Variants in SLC15A4 observed in about 807,000 individuals in gnomAD.
SLC15A4 encodes hPHT1.
SLC15A4 carries 26 observed loss-of-function variants against 46.1 expected under a neutral mutation model. The observed-to-expected ratio is 0.56, with a 90% CI of 0.41 to 0.78. The LOEUF is 0.78. Among genes scored for constraint, SLC15A4 ranks in the 30% least tolerant of loss-of-function variants. SLC15A4 has a pLI of 0.00. For missense variants in SLC15A4, 751 were observed against 755.7 expected (o/e 0.99, Z 0.07); for synonymous variants, 370 against 333.4 (o/e 1.11, Z -1.20).
intron 7 of SLC15A4, among the ~76,000 whole-genome samples, chr12:128,796,089 T>C (rs547304877): frequency 1.3e-5 from 2 of 152,360 alleles, no homozygotes; most frequent in South Asian, 4.1e-4. Flanking sequence ...TCTGAACATA[T>C]ACTGCATGTT....
At chr12:128,809,688 G>A (rs919758314) in intron 3 of SLC15A4, 2 of 545,958 alleles carry the variant, frequency 3.7e-6, no homozygotes, top group Non-Finnish European at 3.2e-6. Flanking sequence ...GTTATCCAAA[G>A]GAGAAATTAC....
intron 2 of SLC15A4, among the ~76,000 whole-genome samples, chr12:128,812,320 T>A (rs4760594): frequency 0.6 from 90,334 of 151,442 alleles, 27,178 homozygotes; most frequent in Non-Finnish European, 0.65. Flanking sequence ...TTTTTTTTTT[T>A]ATTTTATTTT....
At chr12:128,822,597 T>C (rs1468404782) in intron 1 of SLC15A4, among the ~76,000 whole-genome samples, 1 of 152,202 alleles carries the variant, frequency 6.6e-6, no homozygotes, top group Non-Finnish European at 1.5e-5. Flanking sequence ...TCGCTCAGGC[T>C]GGAGGAGTGG....
intron 4 of SLC15A4, 70 bp from the exon 5 acceptor site, chr12:128,809,026 G>A (rs962441380): frequency 2.3e-5 from 32 of 1,414,858 alleles, no homozygotes; most frequent in Middle Eastern, 1.9e-4. Flanking sequence ...GAGAACCAAC[G>A]TCTCAATGGG....
rs1215112698 is a variant in SLC15A4 at position 128,794,243 on chromosome 12, G to C, written c.1687C>G (p.His563Asp). 5 of 1,613,852 alleles carry C rather than the reference G, an allele frequency of 3.1e-6. No homozygotes were observed. The South Asian group carries it at 4.4e-5, about 14-fold the overall frequency. The part of the protein sequence containing the change: ...ISVKYDHHRD[H>D]QRSRANGVPT... ...ACGCCATTGGCTCTTGATCGCTGATGGTCTCGATGATGGTCATATTTCACA... is the reference window on the plus strand; with the variant it reads ...ACGCCATTGGCTCTTGATCGCTGATCGTCTCGATGATGGTCATATTTCACA... Residue 563 changes from histidine (H) to aspartate (D), a missense_variant, in exon 8 of 8, where the codon CAT becomes GAT. Transcript: ENST00000266771.
chr12:128,803,887 A>T (rs1342855544), intron 5 of SLC15A4, among the ~76,000 whole-genome samples: 2 of 152,214 alleles, frequency 1.3e-5, no homozygotes, highest in Non-Finnish European at 2.9e-5. Flanking sequence ...CCCTTCTGAC[A>T]GACTTATGTT....
chr12:128,811,317 G>A (rs1222781017), intron 2 of SLC15A4, among the ~76,000 whole-genome samples: 2 of 152,210 alleles, frequency 1.3e-5, no homozygotes, highest in Non-Finnish European at 2.9e-5. Flanking sequence ...TTTTACTATG[G>A]TGCCAGTATT....
chr12:128,801,817 G>A (rs569727397), intron 5 of SLC15A4: 50 of 152,266 alleles, frequency 3.3e-4, no homozygotes, highest in Middle Eastern at 3.4e-3. Flanking sequence ...TATTTAAAGC[G>A]TATGTAAAAT....
rs767011396 is a variant in SLC15A4 at position 128,823,474 on chromosome 12, G to C, written c.470C>G (p.Thr157Ser). ...DAAARCCSPA[T>S]FAGLVLVGLG... ...GCCCACCAGCACCAGCCCCGCGAAG[G>C]TGGCCGGTGAGCAGCAGCGGGCGGC... Residue 157 changes from threonine (T) to serine (S), a missense_variant, in exon 1 of 8, where the codon ACC becomes AGC. Thr to Ser is a moderately conservative substitution (Grantham distance 58). Transcript: ENST00000266771. The C allele has an allele frequency of 1.6e-4, 234 of 1,483,820 alleles. 2 individuals are homozygous for C. The South Asian group carries it at 2.7e-3, about 17-fold the overall frequency. The allele number at this position is 1,483,820 out of a possible 1,614,324, so 91.9% of individuals were successfully genotyped here.
chr12:128,809,673 G>A, intron 3 of SLC15A4, 200 bp from the exon 4 acceptor site: 1 of 546,276 alleles, frequency 1.8e-6, no homozygotes, highest in Non-Finnish European at 3.2e-6. Context: ...GAAAAAGAAT[G>A]GCCAGTTATC....
chr12:128,805,162 A>G (rs1955569439), intron 5 of SLC15A4, among the ~76,000 whole-genome samples: 1 of 152,228 alleles, frequency 6.6e-6, no homozygotes, highest in Admixed American at 6.5e-5. Flanking sequence ...CCCCAAAAAA[A>G]TCCAACATTC....
At chr12:128,796,161 A>G (rs1955439661) in intron 7 of SLC15A4, among the ~76,000 whole-genome samples, 1 of 152,186 alleles carries the variant, frequency 6.6e-6, no homozygotes, top group Non-Finnish European at 1.5e-5. Context: ...GCAGTGGCTT[A>G]TGACTGTAAT....
At chr12:128,806,449 A>G (rs1456430472) in intron 5 of SLC15A4, among the ~76,000 whole-genome samples, 1 of 152,162 alleles carries the variant, frequency 6.6e-6, no homozygotes, top group African/African-American at 2.4e-5. Flanking sequence ...GGTAAGCTAT[A>G]AGCAAAATCA....
intron 5 of SLC15A4, among the ~76,000 whole-genome samples, chr12:128,803,747 A>G (rs1002792122): frequency 1.3e-5 from 2 of 152,202 alleles, no homozygotes; most frequent in African/African-American, 2.4e-5. Flanking sequence ...AAGTTTACAA[A>G]CTACAGACAC....
rs991921169 is a variant in SLC15A4, at chr12:128,801,892, A to T, written c.1259-883T>A. 2.6e-5 allele frequency among the ~76,000 whole-genome samples: 4 copies of T among 152,226 alleles called. No homozygotes were observed. The South Asian group carries it at 8.3e-4, about 32-fold the overall frequency. On this transcript the variant is annotated intron_variant, in intron 5 of 7. Coordinates refer to ENST00000266771, the MANE Select transcript of SLC15A4 (RefSeq NM_145648.4). ...CAGAGGGCAATGGAATGAAAATATT[A>T]AAAATGTTCCTTCTAAAACCTGAGC...
chr12:128,816,774 A>G (rs1262243076), intron 1 of SLC15A4, among the ~76,000 whole-genome samples: 4 of 152,250 alleles, frequency 2.6e-5, no homozygotes, highest in Middle Eastern at 3.4e-3. Context: ...GGTGGCAGTG[A>G]GCTGTGATGG....
intron 5 of SLC15A4, among the ~76,000 whole-genome samples, chr12:128,805,904 G>T (rs1049121200): frequency 6.6e-6 from 1 of 152,010 alleles, no homozygotes; most frequent in East Asian, 1.9e-4. Context: ...AAACCTGGCC[G>T]GGTGTGGTGG....
Position 128,794,337 on chromosome 12 carries a change from A to G in SLC15A4, c.1593T>C (p.Tyr531=). ...HTDFGNINGC[Y]LNYYFFLLAA... is the part of the protein sequence containing the mutation. ...CCAGAAGAAAAAAGTAATAGTTCAA[A>G]TAGCAGCCGTTAATATTACCTGGAG... Residue 531 remains tyrosine (Y), a synonymous_variant, in exon 8 of 8, where the codon TAT becomes TAC. Coordinates refer to ENST00000266771, the MANE Select transcript of SLC15A4 (RefSeq NM_145648.4). 6.2e-7 allele frequency: 1 copy of G among 1,612,498 alleles called. No homozygotes were observed. Among genetic ancestry groups the G allele is most frequent in the Non-Finnish European group, 8.5e-7 (1 of 1,179,390 alleles).
intron 5 of SLC15A4, among the ~76,000 whole-genome samples, 179 bp downstream of exon 5, chr12:128,808,609 G>A (rs1002184281): frequency 4.6e-5 from 7 of 152,166 alleles, no homozygotes; most frequent in African/African-American, 1.7e-4. Context: ...GTATCCTTAG[G>A]AAAATAATCT....
Sources: gnomAD v4.1 joint callset for allele counts (sites outside exome capture counted in the v4.1 genomes callset) on GRCh38, gnomAD v4.1.1 for gene constraint, MANE v1.5 for transcripts, NCBI Gene and HGNC (gene_info 2026-07-23, HGNC 2026-07-21) for gene names.